ITGA9: variants seen among roughly 807,000 people sequenced by gnomAD.
ITGA9 encodes integrin alpha-9.
ITGA9 carries 56 observed loss-of-function variants against 127.8 expected under a neutral mutation model. The ratio of observed to expected loss-of-function variants is 0.44; its 90% CI spans 0.35 to 0.55. The LOEUF (loss-of-function observed/expected upper bound fraction) is 0.55. ITGA9 is among the 20% of genes least tolerant of loss of function. ITGA9 has a pLI of 0.00. For synonymous variants in ITGA9, 508 were observed against 514.5 expected (o/e 0.99, Z 0.17); for missense variants, 1,196 against 1,347.1 (o/e 0.89, Z 1.76).
chr3:37,525,958 C>A, intron 12 of ITGA9, 68 bp from the exon 13 acceptor site: 1 of 1,333,110 alleles, frequency 7.5e-7, no homozygotes, highest in South Asian at 1.2e-5. Flanking sequence ...CTTGTGAGCG[C>A]ATTCCCAGGG....
At chr3:37,601,392 A>C (rs1055422096) in intron 15 of ITGA9, among the ~76,000 whole-genome samples, 2 of 152,214 alleles carry the variant, frequency 1.3e-5, no homozygotes, top group African/African-American at 2.4e-5. Flanking sequence ...AGGAGGAATA[A>C]AGCTAATGAG....
chr3:37,615,673 CT>C (rs1700067140), intron 15 of ITGA9, among the ~76,000 whole-genome samples: 1 of 152,182 alleles, frequency 6.6e-6, no homozygotes, highest in Non-Finnish European at 1.5e-5. Context: ...AGAGATTCAA[CT>C]TCTTCCTGGT....
At chr3:37,539,133 T>G (rs1699242016) in intron 14 of ITGA9, among the ~76,000 whole-genome samples, 1 of 152,226 alleles carries the variant, frequency 6.6e-6, no homozygotes, top group Admixed American at 6.5e-5. Context: ...TGCAGTGAGA[T>G]GAAACTTTGG....
rs559753184 is a variant in ITGA9, at chr3:37,571,355, A to G, written c.1689+28770A>G. The stretch of plus-strand genomic sequence containing the variant: ...TGAATGAAATGATGATTAAGATAGG[A>G]CAATTGGACAAAAAGGCTGGGCCTT... On this transcript the variant is annotated intron_variant, in intron 15 of 27. Transcript: ENST00000264741. Among the ~76,000 whole-genome samples the G allele has an allele frequency of 3.3e-5, 5 of 152,120 alleles. No homozygotes were observed. In the South Asian group the frequency reaches 1.0e-3, roughly 31 times the overall value.
intron 15 of ITGA9, among the ~76,000 whole-genome samples, chr3:37,587,487 A>T (rs1699770144): frequency 6.6e-6 from 1 of 152,196 alleles, no homozygotes; most frequent in South Asian, 2.1e-4. Context: ...TGAATGCTGA[A>T]TAGTTTGTAA....
chr3:37,728,013 T>C (rs1182029172), intron 18 of ITGA9, among the ~76,000 whole-genome samples: 1 of 152,254 alleles, frequency 6.6e-6, no homozygotes. Flanking sequence ...TTGCATTGTA[T>C]TGTAGTCAGA....
rs149706110 is a variant in ITGA9 at position 37,483,669 on chromosome 3, C to T, written c.544+2062C>T. Reference sequence around the variant, plus strand: ...GGCTTCCTCCACCTGGCATCCTGTCCTGCCATGTGTGTGGGCTGGGAAAGC... The same window carrying T: ...GGCTTCCTCCACCTGGCATCCTGTCTTGCCATGTGTGTGGGCTGGGAAAGC... On this transcript the variant is annotated intron_variant, in intron 4 of 27. Coordinates refer to ENST00000264741, the MANE Select transcript of ITGA9 (RefSeq NM_002207.3). Among the ~76,000 whole-genome samples the T allele has an allele frequency of 2.2e-3, 331 of 152,330 alleles. 8 individuals carry two copies. Among genetic ancestry groups the T allele is most frequent in the Admixed American group, 0.021 (315 of 15,304 alleles).
chr3:37,673,941 T>A (rs745813356), intron 17 of ITGA9, among the ~76,000 whole-genome samples: 1 of 152,164 alleles, frequency 6.6e-6, no homozygotes, highest in African/African-American at 2.4e-5. Flanking sequence ...ATGAAATGAG[T>A]GTATTTTTCT....
Position 37,762,223 on chromosome 3 carries a change from G to A in ITGA9, c.2541+11654G>A, listed in dbSNP as rs59428458. 7.2e-3 allele frequency among the ~76,000 whole-genome samples: 1,094 copies of A among 152,246 alleles called. 19 individuals carry two copies. Among genetic ancestry groups the A allele is most frequent in the African/African-American group, 0.025 (1,025 of 41,532 alleles). ...CAGTGTGGGGTCAAGGGGAACCCTT[G>A]GTCTTTTTCACTGAAAAATCAACTC... On this transcript the variant is annotated intron_variant, in intron 23 of 27. Coordinates refer to ENST00000264741, the MANE Select transcript of ITGA9 (RefSeq NM_002207.3).
At position 37,791,521 on chromosome 3, in the gene ITGA9, G is replaced by A. The variant is rs958404711; in HGVS notation, c.2889+6443G>A. On this transcript the variant is annotated intron_variant, in intron 26 of 27. Transcript: ENST00000264741. ...TGGAAACCTGAGGGCTATAGGCTGC[G>A]TCCAGGCGCAGGAAGTCTGGCATGG... Among the ~76,000 whole-genome samples the A allele has an allele frequency of 2.0e-5, 3 of 152,198 alleles. No homozygotes were observed. In the South Asian group the frequency reaches 6.2e-4, roughly 31 times the overall value.
In ITGA9 at chr3:37,506,080, G is replaced by A. The variant is rs200491665; in HGVS notation, c.823G>A (p.Gly275Ser). 1.4e-5 allele frequency: 23 copies of A among 1,604,562 alleles called. No homozygotes were observed. The highest frequency in any genetic ancestry group is 1.9e-5 in the Non-Finnish European group (22 of 1,174,278). ...AGGTGCCCCACAGGACAAAGGCATCGGCAAGGTGAGGAGAAACATCTGTGG... is the reference window on the plus strand; with the variant it reads ...AGGTGCCCCACAGGACAAAGGCATCAGCAAGGTGAGGAGAAACATCTGTGG... The part of the protein sequence containing the change: ...VGGAPQDKGI[G>S]KVYIFRADRR... Residue 275 changes from glycine to serine, a missense_variant, in exon 7 of 28, where the codon GGC becomes AGC. Transcript: ENST00000264741.
chr3:37,788,822 T>A (rs1383550266), intron 26 of ITGA9, among the ~76,000 whole-genome samples: 5 of 152,222 alleles, frequency 3.3e-5, no homozygotes, highest in Non-Finnish European at 7.3e-5. Flanking sequence ...AATTATTCTT[T>A]AAATTTTTCT....
chr3:37,554,040 G>A (rs1699406048), intron 15 of ITGA9, among the ~76,000 whole-genome samples: 1 of 152,118 alleles, frequency 6.6e-6, no homozygotes, highest in South Asian at 2.1e-4. Context: ...GTAGGCTGGG[G>A]GGCCCTCAGC....
chr3:37,572,991 A>G (rs1699617774), intron 15 of ITGA9, among the ~76,000 whole-genome samples: 1 of 152,172 alleles, frequency 6.6e-6, no homozygotes, highest in African/African-American at 2.4e-5. Flanking sequence ...CTGGCCTCAC[A>G]CTTCACTTAA....
rs145231430 is a variant in ITGA9, at chr3:37,565,683, G to A, written c.1689+23098G>A. On this transcript the variant is annotated intron_variant, in intron 15 of 27. Coordinates refer to ENST00000264741, the MANE Select transcript of ITGA9 (RefSeq NM_002207.3). ...AACTGGACACTTGAAAATGGTGAAA[G>A]TGATACATCTTATATTGCTCTCCCT... Among the ~76,000 whole-genome samples the A allele has an allele frequency of 1.1e-3, 171 of 152,306 alleles. 1 individual carries two copies. The highest frequency in any genetic ancestry group is 2.7e-3 in the Admixed American group (42 of 15,308).
chr3:37,501,938 A>C (rs969283749), intron 5 of ITGA9, among the ~76,000 whole-genome samples: 1 of 152,182 alleles, frequency 6.6e-6, no homozygotes, highest in South Asian at 2.1e-4. Flanking sequence ...CTCTTGGAAA[A>C]CAGTGTGGTC....
intron 18 of ITGA9, among the ~76,000 whole-genome samples, chr3:37,708,244 G>A (rs1701029159): frequency 6.6e-6 from 1 of 152,178 alleles, no homozygotes; most frequent in Non-Finnish European, 1.5e-5. Context: ...CAGCAGGCTG[G>A]CCCAGGCTCC....
chr3:37,536,379 C>T (rs62239551), intron 14 of ITGA9, among the ~76,000 whole-genome samples: 86,179 of 151,378 alleles, frequency 0.57, 24,962 homozygotes, highest in East Asian at 0.81. Context: ...AGTTTGTTAG[C>T]AGGACGGCTG....
At chr3:37,520,268 C>T (rs747555598) in intron 11 of ITGA9, among the ~76,000 whole-genome samples, 24 of 152,180 alleles carry the variant, frequency 1.6e-4, no homozygotes, top group Admixed American at 7.2e-4. Context: ...CTCAGTGCCT[C>T]ACCTGCAGGA....
Sources: allele counts gnomAD v4.1 joint callset (sites outside exome capture counted in the v4.1 genomes callset), GRCh38; gene constraint gnomAD v4.1.1; transcripts MANE v1.5; gene names NCBI Gene and HGNC (gene_info 2026-07-23, HGNC 2026-07-21).